The following FNBP1L variants were observed in gnomAD, a reference collection of about 807,000 sequenced individuals.
The protein encoded by FNBP1L is formin binding protein 1 like.
A neutral mutation model predicts 91.2 loss-of-function variants in FNBP1L; 36 were observed. That is an observed-to-expected ratio of 0.39 (90% confidence interval 0.30 to 0.52). FNBP1L has a LOEUF of 0.52. FNBP1L is among the 20% of genes least tolerant of loss of function. The probability of loss-of-function intolerance (pLI) is 0.66; values close to 1 mark genes in which losing one functional copy is unlikely to be tolerated. For missense variants in FNBP1L, 571 were observed against 732.1 expected (o/e 0.78, Z 2.54); for synonymous variants, 242 against 237.0 (o/e 1.02, Z -0.19).
At chr1:93,456,977 C>G (rs1668691705) in intron 1 of FNBP1L, among the ~76,000 whole-genome samples, 1 of 152,144 alleles carries the variant, frequency 6.6e-6, no homozygotes, top group Non-Finnish European at 1.5e-5. Context: ...CAGCCTCGAC[C>G]TACCTGGCTC....
At chr1:93,507,954 T>G (rs906010350) in intron 2 of FNBP1L, among the ~76,000 whole-genome samples, 2 of 151,370 alleles carry the variant, frequency 1.3e-5, no homozygotes, top group Non-Finnish European at 2.9e-5. Context: ...TGGCCTAGTT[T>G]TTTTTTTTTT....
At chr1:93,534,975 G>C in intron 9 of FNBP1L, 67 bp downstream of exon 9, 2 of 1,269,722 alleles carry the variant, frequency 1.6e-6, no homozygotes, top group Non-Finnish European at 2.2e-6. Flanking sequence ...TGTGGGTATT[G>C]AATGCAAAAT....
rs192328561 is a variant in FNBP1L, at chr1:93,543,085, C to T, written c.1165-1022C>T. On this transcript the variant is annotated intron_variant, in intron 11 of 16. Coordinates refer to ENST00000271234, the MANE Select transcript of FNBP1L (RefSeq NM_001164473.3). ...TTGGGATTACAGGCGTGAGCCACTG[C>T]GCCTGGCCTTATTCTTAGAATAACC... Among the ~76,000 whole-genome samples, 174 of 152,196 alleles carry T rather than the reference C, an allele frequency of 1.1e-3. 1 individual carries two copies. Among genetic ancestry groups the T allele is most frequent in the African/African-American group, 4.1e-3 (169 of 41,536 alleles).
At chr1:93,450,111 A>G (rs969290289) in intron 1 of FNBP1L, among the ~76,000 whole-genome samples, 23 of 152,204 alleles carry the variant, frequency 1.5e-4, no homozygotes, top group Admixed American at 1.3e-3. Flanking sequence ...GTATCACACT[A>G]AAGAATAACA....
chr1:93,490,284 C>T (rs752637394), intron 1 of FNBP1L, among the ~76,000 whole-genome samples: 1 of 152,096 alleles, frequency 6.6e-6, no homozygotes, highest in Non-Finnish European at 1.5e-5. Flanking sequence ...ACATATAATT[C>T]GAGTTATACT....
At position 93,518,578 on chromosome 1, in the gene FNBP1L, T is replaced by C. The variant is rs145922595; in HGVS notation, c.141-3504T>C. 1.1e-4 allele frequency among the ~76,000 whole-genome samples: 16 copies of C among 152,312 alleles called. No individual in the cohort carries two copies. In the East Asian group the frequency reaches 3.1e-3, roughly 29 times the overall value. ...TCTAGATGGATGGTAGTGCCACTAA[T>C]GTAAGAAAAGAGGTATGTAAAAGAA... On this transcript the variant is annotated intron_variant, in intron 2 of 16. Coordinates refer to ENST00000271234, the MANE Select transcript of FNBP1L (RefSeq NM_001164473.3).
chr1:93,530,387 T>A (rs1671633910), intron 6 of FNBP1L, among the ~76,000 whole-genome samples: 1 of 152,176 alleles, frequency 6.6e-6, no homozygotes, highest in African/African-American at 2.4e-5. Context: ...GCTACCTGTT[T>A]TTCTCTTCTG....
intron 1 of FNBP1L, among the ~76,000 whole-genome samples, chr1:93,483,657 T>C (rs901607807): frequency 6.6e-6 from 1 of 152,222 alleles, no homozygotes; most frequent in Non-Finnish European, 1.5e-5. Context: ...AGACCATATA[T>C]AGATAAAACT....
intron 2 of FNBP1L, among the ~76,000 whole-genome samples, chr1:93,506,561 C>T (rs1670621403): frequency 2.6e-5 from 4 of 152,156 alleles, no homozygotes; most frequent in Admixed American, 6.5e-5. Flanking sequence ...TCTCAGGTCT[C>T]TAATATTACC....
chr1:93,456,125 T>C (rs1163258404), intron 1 of FNBP1L, among the ~76,000 whole-genome samples: 1 of 152,158 alleles, frequency 6.6e-6, no homozygotes, highest in African/African-American at 2.4e-5. Flanking sequence ...TCTGACTGCT[T>C]TTTGTAATGT....
chr1:93,502,138 G>A (rs1179556117), intron 2 of FNBP1L, among the ~76,000 whole-genome samples: 2 of 152,106 alleles, frequency 1.3e-5, no homozygotes, highest in Non-Finnish European at 2.9e-5. Flanking sequence ...GCTTACTTGT[G>A]TTTGTATATA....
At chr1:93,481,786 G>T (rs973831711) in intron 1 of FNBP1L, among the ~76,000 whole-genome samples, 7 of 152,098 alleles carry the variant, frequency 4.6e-5, no homozygotes, top group Admixed American at 3.3e-4. Flanking sequence ...AAGTAGATGA[G>T]AAATTTTTTA....
chr1:93,482,950 G>A (rs1316620063), intron 1 of FNBP1L, among the ~76,000 whole-genome samples: 2 of 151,482 alleles, frequency 1.3e-5, no homozygotes, highest in East Asian at 3.9e-4. Context: ...CCCAGGAGGC[G>A]GAGCTTGCAG....
At chr1:93,455,818 A>G (rs1668641109) in intron 1 of FNBP1L, among the ~76,000 whole-genome samples, 1 of 152,274 alleles carries the variant, frequency 6.6e-6, no homozygotes, top group South Asian at 2.1e-4. Flanking sequence ...TGTTAGTGTT[A>G]CAGATAATTT....
At position 93,534,994 on chromosome 1, in the gene FNBP1L, A is replaced by G. The variant is rs1354814104; in HGVS notation, c.990+86A>G. 1.5e-5 allele frequency: 15 copies of G among 1,004,644 alleles called. No individual in the cohort carries two copies. The South Asian group carries it at 2.2e-4, about 15-fold the overall frequency. The allele number at this position is 1,004,644 out of a possible 1,614,324, so 62.2% of individuals were successfully genotyped here. A position where few individuals can be genotyped will look rare whatever the true frequency, so the allele number is the denominator to read the frequency against. On this transcript the variant is annotated intron_variant, in intron 9 of 16. Coordinates refer to ENST00000271234, the MANE Select transcript of FNBP1L (RefSeq NM_001164473.3). The stretch of plus-strand genomic sequence containing the variant: ...GGTATTGAATGCAAAATGATTTACC[A>G]TTAATGGAGAATAAATATTTTCAAT...
chr1:93,529,503 C>A (rs1279735062), intron 5 of FNBP1L, 149 bp from the exon 6 acceptor site: 1 of 454,132 alleles, frequency 2.2e-6, no homozygotes, highest in Non-Finnish European at 3.9e-6. Context: ...AGGTTTGTTA[C>A]ATAGGTATAC....
chr1:93,535,139 T>C (rs879260753), intron 9 of FNBP1L, among the ~76,000 whole-genome samples: 4 of 152,182 alleles, frequency 2.6e-5, no homozygotes, highest in Admixed American at 2.6e-4. Context: ...AAGTTGTTAA[T>C]ATCTAGTTAA....
At chr1:93,497,271 T>G (rs1670298054) in intron 1 of FNBP1L, among the ~76,000 whole-genome samples, 1 of 152,196 alleles carries the variant, frequency 6.6e-6, no homozygotes, top group South Asian at 2.1e-4. Flanking sequence ...CTGAACTTAT[T>G]TTTTAAAAAT....
intron 1 of FNBP1L, among the ~76,000 whole-genome samples, chr1:93,494,859 G>A (rs1482844229): frequency 6.6e-6 from 1 of 152,156 alleles, no homozygotes; most frequent in Non-Finnish European, 1.5e-5. Context: ...GTCTTACATG[G>A]GAGCAGGCAA....
Sources: gnomAD v4.1 joint callset for allele counts (sites outside exome capture counted in the v4.1 genomes callset) on GRCh38, gnomAD v4.1.1 for gene constraint, MANE v1.5 for transcripts, NCBI Gene and HGNC (gene_info 2026-07-23, HGNC 2026-07-21) for gene names.